The following DYNLL1 variants were observed in gnomAD, a reference collection of about 807,000 sequenced individuals.
DYNLL1 encodes the protein dynein light chain LC8-type 1, also known as dynein light chain 1, cytoplasmic.
DYNLL1 carries 3 observed loss-of-function variants against 10.1 expected under a neutral mutation model. The ratio of observed to expected loss-of-function variants is 0.30; its 90% CI spans 0.14 to 0.77. DYNLL1 has a LOEUF of 0.77. Ranked by LOEUF, DYNLL1 falls within the 30% of genes least tolerant of loss-of-function variation. The pLI, the probability that DYNLL1 is intolerant of heterozygous loss-of-function variation, is 0.66. For missense variants in DYNLL1, 47 were observed against 111.7 expected (o/e 0.42, Z 2.61); for synonymous variants, 46 against 41.2 (o/e 1.12, Z -0.45).
chr12:120,489,502 CATCTCTGCCCT>C (rs1318281530), intron 1 of DYNLL1, among the ~76,000 whole-genome samples: 1 of 152,160 alleles, frequency 6.6e-6, no homozygotes, highest in Non-Finnish European at 1.5e-5. Flanking sequence ...GGAATCTGGC[CATCTCTGCCCT>C]ATCTCTGCTA....
chr12:120,478,224 C>T (rs941836477), intron 1 of DYNLL1, among the ~76,000 whole-genome samples: 7 of 151,970 alleles, frequency 4.6e-5, no homozygotes, highest in Non-Finnish European at 7.4e-5. Context: ...TCTCCTGCCT[C>T]GGCTTCCTGA....
intron 2 of DYNLL1, chr12:120,496,854 A>T: frequency 1.8e-6 from 1 of 549,012 alleles, no homozygotes; most frequent in South Asian, 2.3e-5. Context: ...TCCTGCGCCG[A>T]GGATCCATCT....
At chr12:120,489,105 G>A (rs999478959) in intron 1 of DYNLL1, among the ~76,000 whole-genome samples, 33 of 152,084 alleles carry the variant, frequency 2.2e-4, no homozygotes, top group Non-Finnish European at 7.4e-5. Context: ...CATAGTAAAC[G>A]CTCAGAGAAT....
chr12:120,480,995 G>A (rs1194244932), intron 1 of DYNLL1, among the ~76,000 whole-genome samples: 6 of 152,058 alleles, frequency 3.9e-5, no homozygotes, highest in African/African-American at 9.7e-5. Context: ...TCCTGACCTC[G>A]TGATCTGCCC....
chr12:120,484,027 G>C (rs1178571121), intron 1 of DYNLL1, among the ~76,000 whole-genome samples: 1 of 152,150 alleles, frequency 6.6e-6, no homozygotes, highest in Non-Finnish European at 1.5e-5. Flanking sequence ...TGTGGGTGCA[G>C]TGGATTAAAG....
At chr12:120,478,748 C>G (rs1367130319) in intron 1 of DYNLL1, among the ~76,000 whole-genome samples, 1 of 150,584 alleles carries the variant, frequency 6.6e-6, no homozygotes, top group Non-Finnish European at 1.5e-5. Flanking sequence ...TGCAATGGCA[C>G]AATCTTGCTC....
intron 1 of DYNLL1, among the ~76,000 whole-genome samples, chr12:120,486,269 AAAT>A (rs1382482730): frequency 1.3e-5 from 2 of 152,210 alleles, no homozygotes; most frequent in Non-Finnish European, 2.9e-5. Context: ...CCTGCTAATG[AAAT>A]AATACCTTTG....
intron 2 of DYNLL1, chr12:120,496,852 C>CGAG: frequency 1.8e-6 from 1 of 560,338 alleles, no homozygotes; most frequent in Non-Finnish European, 3.1e-6. Flanking sequence ...GTTCCTGCGC[C>CGAG]GAGGATCCAT....
chr12:120,493,649 T>C (rs1248215778), upstream of DYNLL1, among the ~76,000 whole-genome samples: 1 of 151,616 alleles, frequency 6.6e-6, no homozygotes, highest in Admixed American at 6.6e-5. Flanking sequence ...TCTCGCTCTG[T>C]CTCCCAGGCT....
rs1161119211 is a variant in DYNLL1, at chr12:120,498,335, T to C, written c.*125T>C. ...GAACATCTCGATGTTTGAACCTTTG[T>C]TGTGTTTTGTACAGGGCATTCTCTG... is the stretch of plus-strand genomic sequence containing the variant. On this transcript the variant is annotated 3_prime_UTR_variant, in exon 3 of 3. Coordinates refer to ENST00000242577, the MANE Select transcript of DYNLL1 (RefSeq NM_003746.3). 3.9e-6 allele frequency: 5 copies of C among 1,269,750 alleles called. No homozygotes were observed. Among genetic ancestry groups the C allele is most frequent in the Non-Finnish European group, 5.3e-6 (5 of 937,872 alleles). 78.7% of individuals were successfully genotyped at this position (1,269,750 alleles called of 1,614,324 possible). A position where few individuals can be genotyped will look rare whatever the true frequency, so the allele number is the denominator to read the frequency against.
chr12:120,490,687 AT>A, intron 1 of DYNLL1: 1 of 152,344 alleles, frequency 6.6e-6, no homozygotes, highest in Non-Finnish European at 1.5e-5. Flanking sequence ...ATCTGCAGAC[AT>A]TTTTGGTTGT....
intron 1 of DYNLL1, among the ~76,000 whole-genome samples, chr12:120,482,592 G>C (rs1025182225): frequency 2.6e-5 from 4 of 151,926 alleles, no homozygotes; most frequent in African/African-American, 9.7e-5. Flanking sequence ...AAAGTGCTGG[G>C]ATTACAGGCG....
intron 1 of DYNLL1, among the ~76,000 whole-genome samples, chr12:120,489,114 A>G (rs1879063269): frequency 6.6e-6 from 1 of 152,160 alleles, no homozygotes; most frequent in Non-Finnish European, 1.5e-5. Context: ...CGCTCAGAGA[A>G]TATTGCTAGC....
intron 1 of DYNLL1, among the ~76,000 whole-genome samples, chr12:120,487,756 G>A (rs1879031174): frequency 6.6e-6 from 1 of 152,160 alleles, no homozygotes; most frequent in African/African-American, 2.4e-5. Context: ...ATCTAGGTTT[G>A]CCCAGGCACA....
At chr12:120,490,472 C>A (rs921235497) in intron 1 of DYNLL1, 3 of 152,242 alleles carry the variant, frequency 2.0e-5, no homozygotes, top group African/African-American at 7.2e-5. Context: ...GATCCCGCCT[C>A]TTAGTCTACA....
chr12:120,476,932 T>G (rs987667420), intron 1 of DYNLL1, among the ~76,000 whole-genome samples: 8 of 148,082 alleles, frequency 5.4e-5, no homozygotes, highest in Non-Finnish European at 7.5e-5. Context: ...GTTTTGTTTT[T>G]TTTGTTTTTT....
intron 1 of DYNLL1, among the ~76,000 whole-genome samples, chr12:120,481,590 C>T (rs930245071): frequency 3.3e-5 from 5 of 152,184 alleles, no homozygotes; most frequent in East Asian, 1.9e-4. Context: ...AGGCATGGGG[C>T]GGGGCACAGC....
chr12:120,489,709 C>T (rs1179367284), intron 1 of DYNLL1, among the ~76,000 whole-genome samples: 2 of 152,142 alleles, frequency 1.3e-5, no homozygotes, highest in Non-Finnish European at 2.9e-5. Flanking sequence ...CTCTTTAAAA[C>T]AAGACCCCTC....
At chr12:120,483,959 G>A (rs1878938662) in intron 1 of DYNLL1, among the ~76,000 whole-genome samples, 2 of 151,588 alleles carry the variant, frequency 1.3e-5, no homozygotes, top group Admixed American at 1.3e-4. Flanking sequence ...AGGGCACTGA[G>A]AATTGGCCAC....
Sources: allele counts gnomAD v4.1 joint callset (sites outside exome capture counted in the v4.1 genomes callset), GRCh38; gene constraint gnomAD v4.1.1; transcripts MANE v1.5; gene names NCBI Gene and HGNC (gene_info 2026-07-23, HGNC 2026-07-21).